NLGN1: variants seen among roughly 807,000 people sequenced by gnomAD.
NLGN1 encodes the protein neuroligin 1.
In NLGN1, 12 loss-of-function variants were observed where a neutral mutation model predicts 65.5. That is an observed-to-expected ratio of 0.18 (90% confidence interval 0.12 to 0.30). NLGN1 has a LOEUF of 0.30. NLGN1 is among the 10% of genes least tolerant of loss of function. NLGN1 has a pLI of 1.00. For synonymous variants in NLGN1, 350 were observed against 359.5 expected (o/e 0.97, Z 0.30); for missense variants, 750 against 1,007.1 (o/e 0.74, Z 3.46).
intron 4 of NLGN1, among the ~76,000 whole-genome samples, chr3:173,960,633 A>T (rs1459846626): frequency 1.3e-5 from 2 of 152,018 alleles, no homozygotes. Flanking sequence ...TTTAAAACAG[A>T]TATAGGATAA....
chr3:173,828,733 G>GA (rs1721866461), intron 4 of NLGN1, among the ~76,000 whole-genome samples: 1 of 152,004 alleles, frequency 6.6e-6, no homozygotes, highest in Non-Finnish European at 1.5e-5. Flanking sequence ...ATTGATGTGA[G>GA]AAAATATATC....
chr3:174,045,643 A>T (rs1253033410), intron 4 of NLGN1, among the ~76,000 whole-genome samples: 5 of 152,232 alleles, frequency 3.3e-5, no homozygotes, highest in African/African-American at 1.2e-4. Context: ...CTTCTACTAC[A>T]TAGAAAATAA....
At chr3:174,105,213 G>C (rs1274486121) in intron 4 of NLGN1, among the ~76,000 whole-genome samples, 1 of 152,060 alleles carries the variant, frequency 6.6e-6, no homozygotes, top group Non-Finnish European at 1.5e-5. Flanking sequence ...GCAAGAAGGG[G>C]AGGAATTGAA....
intron 3 of NLGN1, among the ~76,000 whole-genome samples, chr3:173,764,234 A>G (rs1778420831): frequency 6.6e-6 from 1 of 152,162 alleles, no homozygotes; most frequent in Non-Finnish European, 1.5e-5. Flanking sequence ...CAAAACTGGA[A>G]TGTGGTCTCC....
chr3:174,153,992 A>G (rs1724875368), intron 4 of NLGN1, among the ~76,000 whole-genome samples: 1 of 152,114 alleles, frequency 6.6e-6, no homozygotes, highest in Non-Finnish European at 1.5e-5. Flanking sequence ...TGGCATTCAC[A>G]AAAGAGTGAA....
chr3:173,607,343 C>CT (rs1751547013), intron 3 of NLGN1, among the ~76,000 whole-genome samples: 2 of 151,752 alleles, frequency 1.3e-5, no homozygotes, highest in Admixed American at 1.3e-4. Context: ...CAGTTTAAGT[C>CT]GGTTGTGCTT....
chr3:174,218,788 G>A (rs1045747560), intron 4 of NLGN1, among the ~76,000 whole-genome samples: 1 of 151,908 alleles, frequency 6.6e-6, no homozygotes, highest in Non-Finnish European at 1.5e-5. Context: ...TGCTTTCTTG[G>A]CTCTTGACAT....
intron 4 of NLGN1, 97 bp from the exon 5 acceptor site, chr3:174,275,218 C>T: frequency 1.2e-6 from 1 of 862,886 alleles, no homozygotes; most frequent in Non-Finnish European, 1.9e-6. Context: ...TTGGACTGTC[C>T]CTACCTTGAT....
rs145332380 is a variant in NLGN1 at position 174,279,516 on chromosome 3, C to T, written c.1515C>T (p.His505=). 117 of 1,612,966 alleles carry T rather than the reference C, an allele frequency of 7.3e-5. No individual in the cohort carries two copies. The African/African-American group carries it at 1.0e-3, about 14-fold the overall frequency. The change falls in exon 6 of 7, where the codon CAC becomes CAT. Residue 505 remains histidine, a synonymous_variant. Coordinates refer to ENST00000457714, the Ensembl canonical transcript of NLGN1. The surrounding 1 kb of genome is among the most constrained non-coding windows in gnomAD (Gnocchi z 4.7). ...TTCCAGCTTGGGCTGATGCAGCCCA[C>T]GGAGACGAGGTTCCCTATGTACTGG...
intron 4 of NLGN1, among the ~76,000 whole-genome samples, chr3:173,899,135 G>A (rs545969757): frequency 2.0e-5 from 3 of 152,190 alleles, no homozygotes; most frequent in Admixed American, 6.5e-5. Context: ...TTCCTCCAGT[G>A]TACCATTCCC....
intron 4 of NLGN1, 107 bp from the exon 5 acceptor site, chr3:174,275,202 ATGAACT>A: frequency 1.4e-6 from 1 of 716,636 alleles, no homozygotes. Flanking sequence ...ATTTTTACTA[ATGAACT>A]TGGACTGTCC....
intron 4 of NLGN1, among the ~76,000 whole-genome samples, chr3:174,105,595 A>C (rs2152593921): frequency 6.7e-6 from 1 of 148,194 alleles, no homozygotes; most frequent in South Asian, 2.1e-4. Context: ...TTTTCTTTTA[A>C]CTTAAATCAG....
intron 2 of NLGN1, among the ~76,000 whole-genome samples, chr3:173,529,301 G>T (rs1736159623): frequency 6.6e-6 from 1 of 152,142 alleles, no homozygotes; most frequent in African/African-American, 2.4e-5. Flanking sequence ...GCAAAAGCAG[G>T]TGAGTACGTA....
intron 4 of NLGN1, among the ~76,000 whole-genome samples, chr3:174,092,408 T>C (rs1744690380): frequency 6.6e-6 from 1 of 152,170 alleles, no homozygotes; most frequent in African/African-American, 2.4e-5. Context: ...TTGTGGAAGA[T>C]GAAATGAGGA....
chr3:174,017,409 G>T (rs538938615), intron 4 of NLGN1, among the ~76,000 whole-genome samples: 2 of 152,114 alleles, frequency 1.3e-5, no homozygotes, highest in African/African-American at 2.4e-5. Flanking sequence ...CAGCCTATCA[G>T]TGTTTTCTAA....
Position 173,773,140 on chromosome 3 carries a change from T to G in NLGN1, c.494-34540T>G, listed in dbSNP as rs147557063. 3.0e-3 allele frequency among the ~76,000 whole-genome samples: 464 copies of G among 152,262 alleles called. 1 individual carries two copies. Among genetic ancestry groups the G allele is most frequent in the African/African-American group, 0.01 (432 of 41,554 alleles). ...CTGCCATAACCCACTTCAGTCAACA[T>G]TTGTCTGCCTTTTCCCCACTGTGCT... On this transcript the variant is annotated intron_variant, in intron 3 of 6. Transcript: ENST00000457714.
intron 4 of NLGN1, among the ~76,000 whole-genome samples, chr3:173,993,696 T>A (rs1721630058): frequency 9.0e-6 from 1 of 110,792 alleles, no homozygotes; most frequent in South Asian, 2.9e-4. Flanking sequence ...AGATAGATAG[T>A]TCAGGAGCCA....
intron 4 of NLGN1, among the ~76,000 whole-genome samples, chr3:174,193,523 G>A (rs1240371440): frequency 1.3e-5 from 2 of 152,116 alleles, no homozygotes; most frequent in Admixed American, 1.3e-4. Flanking sequence ...TTTTGTCAGA[G>A]GCCACACACA....
At position 173,914,321 on chromosome 3, in the gene NLGN1, CTTT is replaced by C. The variant is rs539430163; in HGVS notation, c.646+106491_646+106493del. ...TTGCCTCTTCTTCAAAGGGTTTAGG[CTTT>C]TGTTTCACAAAAGCCAGCAAGACTT... is the stretch of plus-strand genomic sequence containing the variant. On this transcript the variant is annotated intron_variant, in intron 4 of 6. Coordinates refer to ENST00000457714, the Ensembl canonical transcript of NLGN1. 1.2e-3 allele frequency among the ~76,000 whole-genome samples: 179 copies of C among 152,214 alleles called. 1 individual carries two copies. The highest frequency in any genetic ancestry group is 2.3e-3 in the Admixed American group (35 of 15,278).
Sources: gnomAD v4.1 joint callset for allele counts (sites outside exome capture counted in the v4.1 genomes callset) on GRCh38, gnomAD v4.1.1 for gene constraint, Gnocchi (gnomAD v3.1) non-coding constraint, MANE v1.5 for transcripts, NCBI Gene and HGNC (gene_info 2026-07-23, HGNC 2026-07-21) for gene names.